Variants in MORN2 observed in about 807,000 individuals in gnomAD.
MORN2 encodes MORN repeat-containing protein 2.
In MORN2, 15 loss-of-function variants were observed where a neutral mutation model predicts 13.4. That is an observed-to-expected ratio of 1.12 (90% CI 0.75 to 1.72). The LOEUF (loss-of-function observed/expected upper bound fraction) is 1.72, where lower values mean the gene tolerates loss of function less well. MORN2 is among the 40% of genes most tolerant of loss of function. MORN2 has a pLI of 0.00. For missense variants in MORN2, 168 were observed against 134.6 expected, an observed-to-expected ratio of 1.25 and a Z score of -1.23; for synonymous variants, 46 against 43.6, an observed-to-expected ratio of 1.06 and a Z score of -0.22.
intron 3 of MORN2, among the ~76,000 whole-genome samples, chr2:38,881,148 C>T (rs1024262904): frequency 2.0e-5 from 3 of 152,084 alleles, no homozygotes; most frequent in African/African-American, 7.3e-5. Context: ...AACTGGTTGC[C>T]CTTTAAGATT....
At chr2:38,881,925 A>G (rs1302251574) in intron 4 of MORN2, among the ~76,000 whole-genome samples, 2 of 152,260 alleles carry the variant, frequency 1.3e-5, no homozygotes, top group Admixed American at 1.3e-4. Context: ...TGCTGAGATT[A>G]CAGGCGTGAG....
At chr2:38,876,712 C>G (rs373490500) in intron 1 of MORN2, among the ~76,000 whole-genome samples, 2 of 152,106 alleles carry the variant, frequency 1.3e-5, no homozygotes, top group Non-Finnish European at 2.9e-5. Flanking sequence ...CTGAAGGAGT[C>G]TGAGGTTGAC....
chr2:38,877,267 A>AAAAT (rs767776535), intron 1 of MORN2, among the ~76,000 whole-genome samples: 81 of 152,084 alleles, frequency 5.3e-4, no homozygotes, highest in South Asian at 1.9e-3. Flanking sequence ...CTCCGTCTCA[A>AAAAT]AAATAAATAA....
At chr2:38,882,186 A>G (rs889321356) in intron 4 of MORN2, among the ~76,000 whole-genome samples, 1 of 150,240 alleles carries the variant, frequency 6.7e-6, no homozygotes. Flanking sequence ...TTGGACACCA[A>G]ATAATTGTTT....
intron 1 of MORN2, among the ~76,000 whole-genome samples, chr2:38,876,365 C>T (rs1306001073): frequency 1.3e-5 from 2 of 152,202 alleles, no homozygotes; most frequent in African/African-American, 4.8e-5. Flanking sequence ...GCCGGGTGGT[C>T]TCTGTGAGGT....
intron 3 of MORN2, 127 bp downstream of exon 3, chr2:38,880,833 C>A: frequency 2.0e-6 from 2 of 982,070 alleles, no homozygotes; most frequent in East Asian, 2.9e-5. Context: ...AACAAATGAT[C>A]ATATTAACAT....
Position 38,881,531 on chromosome 2 carries a change from C to A in MORN2, c.306C>A (p.Tyr102Ter). Residue 102 changes from tyrosine to a stop codon, truncating the protein, a stop_gained, in exon 4 of 5, where the codon TAC becomes TAA. Transcript: ENST00000644631. LOFTEE classifies it high-confidence loss of function. ...ATATGTTTCATGGACTGGGGACTTA[C>A]ACATTCCCAAATGGGGCAAAGTATA... 1 of 1,541,376 alleles carries A rather than the reference C, an allele frequency of 6.5e-7. No individual in the cohort carries two copies. Among genetic ancestry groups the A allele is most frequent in the Non-Finnish European group, 8.7e-7 (1 of 1,143,558 alleles).
At position 38,881,495 on chromosome 2, in the gene MORN2, A is replaced by T; in HGVS notation, c.270A>T (p.Gln90His). The T allele has an allele frequency of 6.5e-7, 1 of 1,545,928 alleles. No individual in the cohort carries two copies. The highest frequency in any genetic ancestry group is 8.7e-7 in the Non-Finnish European group (1 of 1,144,944). The change falls in exon 4 of 5, where the codon CAA becomes CAT. Residue 90 changes from glutamine to histidine, a missense_variant. Transcript: ENST00000644631. ...TTTCAGGAGCAGTATATGAAGGACA[A>T]TTTAAGGATAATATGTTTCATGGAC...
At chr2:38,878,949 C>G (rs1665716110) in intron 1 of MORN2, among the ~76,000 whole-genome samples, 2 of 152,206 alleles carry the variant, frequency 1.3e-5, no homozygotes, top group African/African-American at 4.8e-5. Flanking sequence ...TCAGGTGATT[C>G]TGAAGGATGG....
intron 2 of MORN2, 91 bp from the exon 3 acceptor site, chr2:38,880,508 AG>A (rs1223853696): frequency 3.1e-6 from 2 of 652,426 alleles, no homozygotes; most frequent in Admixed American, 3.8e-5. Flanking sequence ...TTTCAGTGCT[AG>A]GGAGCCAAAG....
rs6756998 is a variant in MORN2, at chr2:38,881,552, G to A, written c.327G>A (p.Lys109=). The change falls in exon 4 of 5, where the codon AAG becomes AAA. Residue 109 remains lysine, a synonymous_variant. Transcript: ENST00000644631. ...CTTACACATTCCCAAATGGGGCAAA[G>A]TATACTGGAAATTTCAATGAAAATA... is the stretch of plus-strand genomic sequence containing the variant. The A allele has an allele frequency of 2.4e-3, 3,707 of 1,522,530 alleles. 94 individuals carry two copies. The African/African-American group carries it at 0.047, about 19-fold the overall frequency. The allele number at this position is 1,522,530 out of a possible 1,614,324, so 94.3% of individuals were successfully genotyped here.
chr2:38,880,642 A>T lies in MORN2; in HGVS notation c.152A>T (p.Asn51Ile). ...ACATCTTCTGGAATCTACGAGAGAA[A>T]TGGAATAGGTATTCATACCACTCCT... The change falls in exon 3 of 5, where the codon AAT becomes ATT. Residue 51 changes from asparagine to isoleucine, a missense_variant. By Grantham distance (149) the Asn-to-Ile change is moderately radical. Coordinates refer to ENST00000644631, the MANE Select transcript of MORN2 (RefSeq NM_001145450.3). The T allele has an allele frequency of 6.5e-7, 1 of 1,545,954 alleles. No individual in the cohort carries two copies. The highest frequency in any genetic ancestry group is 1.4e-5 in the African/African-American group (1 of 72,888).
Position 38,875,996 on chromosome 2 carries a change from A to G in MORN2, c.-57A>G, listed in dbSNP as rs1049388385. 1 of 398,736 alleles carries G rather than the reference A, an allele frequency of 2.5e-6. No individual in the cohort carries two copies. Among genetic ancestry groups the G allele is most frequent in the East Asian group, 3.6e-5 (1 of 28,070 alleles). The allele number at this position is 398,736 out of a possible 1,614,324, so 24.7% of individuals were successfully genotyped here. On this transcript the variant is annotated 5_prime_UTR_variant, in exon 1 of 5. Transcript: ENST00000644631. Reference sequence around the variant, plus strand: ...CGGGTGAGAGGTGCCCGGTCGCCCCAGCAACCAAGTCGCACCTGGAGCTGT... The same window carrying G: ...CGGGTGAGAGGTGCCCGGTCGCCCCGGCAACCAAGTCGCACCTGGAGCTGT...
In MORN2 at chr2:38,882,406, A is replaced by T; in HGVS notation, c.354-7A>T. ...GTTAATGGAAAACTTATTTTCTACT[A>T]TTGCAGGGTGGAAGGTGAAGGGGAA... On this transcript the variant is annotated splice_region_variant and splice_polypyrimidine_tract_variant and intron_variant, in intron 4 of 4. Coordinates refer to ENST00000644631, the MANE Select transcript of MORN2 (RefSeq NM_001145450.3). 2 of 1,530,340 alleles carry T rather than the reference A, an allele frequency of 1.3e-6. No individual in the cohort carries two copies. The highest frequency in any genetic ancestry group is 1.8e-6 in the Non-Finnish European group (2 of 1,129,320). 94.8% of individuals were successfully genotyped at this position (1,530,340 alleles called of 1,614,324 possible).
At chr2:38,882,368 A>C (rs143309427) in intron 4 of MORN2, 45 bp from the exon 5 acceptor site, 1 of 1,264,114 alleles carries the variant, frequency 7.9e-7, no homozygotes, top group Non-Finnish European at 1.1e-6. Flanking sequence ...TGGACTGTAA[A>C]TTATTCATCT....
chr2:38,876,850 G>A (rs3923144), intron 1 of MORN2, among the ~76,000 whole-genome samples: 93,527 of 152,010 alleles, frequency 0.62, 29,819 homozygotes, highest in East Asian at 0.87. Context: ...TCATTTACTT[G>A]ATTTGCCCCA....
rs930243004 is a variant in MORN2, at chr2:38,877,233, T to A, written c.58+1123T>A. 6.6e-5 allele frequency among the ~76,000 whole-genome samples: 10 copies of A among 152,238 alleles called. No individual in the cohort carries two copies. In the East Asian group the frequency reaches 1.9e-3, roughly 29 times the overall value. ...GTGAGACGAGATCAAGCCACTGCAC[T>A]CCAGCCTGGGCGACAGAGCGAGACT... On this transcript the variant is annotated intron_variant, in intron 1 of 4. Coordinates refer to ENST00000644631, the MANE Select transcript of MORN2 (RefSeq NM_001145450.3).
At chr2:38,882,118 A>G (rs911488193) in intron 4 of MORN2, among the ~76,000 whole-genome samples, 6 of 151,182 alleles carry the variant, frequency 4.0e-5, no homozygotes, top group African/African-American at 1.5e-4. Context: ...TAAACTTTTC[A>G]TTTTTTTAAC....
rs141054358 is a variant in MORN2 at position 38,882,709 on chromosome 2, A to G, written c.*194A>G. 600 of 400,380 alleles carry G rather than the reference A, an allele frequency of 1.5e-3. 6 individuals carry two copies. The highest frequency in any genetic ancestry group is 9.9e-3 in the African/African-American group (488 of 49,466). 24.8% of individuals were successfully genotyped at this position (400,380 alleles called of 1,614,324 possible). ...AGTTTAAAATAAATGACATGATTCAATTCAGTCTGCTTATTATAATAACTA... is the reference window on the plus strand; with the variant it reads ...AGTTTAAAATAAATGACATGATTCAGTTCAGTCTGCTTATTATAATAACTA... On this transcript the variant is annotated 3_prime_UTR_variant, in exon 5 of 5. Transcript: ENST00000644631.
Sources: allele counts gnomAD v4.1 joint callset (sites outside exome capture counted in the v4.1 genomes callset), GRCh38; gene constraint gnomAD v4.1.1; transcripts MANE v1.5; gene names NCBI Gene and HGNC (gene_info 2026-07-23, HGNC 2026-07-21).